The following CTNNA2 variants were observed in gnomAD, a reference collection of about 807,000 sequenced individuals.
The protein encoded by CTNNA2 is catenin alpha 2.
CTNNA2 carries 42 observed loss-of-function variants against 101.0 expected under a neutral mutation model. That is an observed-to-expected ratio of 0.42 (90% CI 0.32 to 0.54). CTNNA2 has a LOEUF of 0.54. Among genes scored for constraint, CTNNA2 ranks in the 20% least tolerant of loss-of-function variants. CTNNA2 has a pLI of 0.14. For missense variants in CTNNA2, 871 were observed against 1,223.1 expected, an observed-to-expected ratio of 0.71 and a Z score of 4.29; for synonymous variants, 450 against 456.4, an observed-to-expected ratio of 0.99 and a Z score of 0.18.
intron 2 of CTNNA2, among the ~76,000 whole-genome samples, chr2:79,311,341 G>A (rs902112574): frequency 2.7e-5 from 4 of 149,362 alleles, no homozygotes; most frequent in African/African-American, 9.9e-5. Context: ...CCCGGGAAGC[G>A]GAGCTTGCAG....
intron 1 of CTNNA2, among the ~76,000 whole-genome samples, chr2:79,641,531 G>T (rs1458948546): frequency 1.3e-5 from 2 of 152,142 alleles, no homozygotes; most frequent in Non-Finnish European, 2.9e-5. Context: ...TTGCGGTGTT[G>T]CTGAAGGATA....
intron 6 of CTNNA2, among the ~76,000 whole-genome samples, chr2:79,886,473 C>T (rs1444573971): frequency 6.6e-6 from 1 of 151,820 alleles, no homozygotes; most frequent in Non-Finnish European, 1.5e-5. Context: ...AAATGGCAGC[C>T]AGGCGCGGTG....
intron 7 of CTNNA2, among the ~76,000 whole-genome samples, chr2:80,154,993 GAAAA>G (rs1387985389): frequency 1.3e-5 from 2 of 149,086 alleles, no homozygotes; most frequent in African/African-American, 4.9e-5. Context: ...ACACTTCATG[GAAAA>G]TGACCACATT....
At chr2:79,379,046 C>G (rs1350926220) in intron 4 of CTNNA2, among the ~76,000 whole-genome samples, 2 of 152,222 alleles carry the variant, frequency 1.3e-5, no homozygotes, top group East Asian at 3.9e-4. Context: ...GCATTCCTTT[C>G]TTTGTTTTTA....
At chr2:80,205,062 C>G (rs1298202645) in intron 7 of CTNNA2, among the ~76,000 whole-genome samples, 1 of 152,156 alleles carries the variant, frequency 6.6e-6, no homozygotes, top group Non-Finnish European at 1.5e-5. Context: ...CCCACCAGGT[C>G]CCTCCCATAA....
At chr2:80,218,110 G>A (rs368567754) in intron 7 of CTNNA2, among the ~76,000 whole-genome samples, 1 of 152,200 alleles carries the variant, frequency 6.6e-6, no homozygotes, top group Non-Finnish European at 1.5e-5. Flanking sequence ...GAGCTGAAAG[G>A]GTGGAGCAGT....
intron 7 of CTNNA2, among the ~76,000 whole-genome samples, chr2:80,041,450 G>T (rs1172076022): frequency 1.3e-5 from 2 of 152,030 alleles, no homozygotes; most frequent in African/African-American, 2.4e-5. Context: ...GGGATGGGGG[G>T]TACAGAGGTT....
Position 80,340,571 on chromosome 2 carries a change from G to A in CTNNA2, c.1057-52640G>A, listed in dbSNP as rs1672135366. ...ACAACAAGGCTAGTTGAATGTACCAGGTGACATACAGCCCTTTAGCCATAC... is the reference window on the plus strand; with the variant it reads ...ACAACAAGGCTAGTTGAATGTACCAAGTGACATACAGCCCTTTAGCCATAC... On this transcript the variant is annotated intron_variant, in intron 7 of 18. Coordinates refer to ENST00000402739, the MANE Select transcript of CTNNA2 (RefSeq NM_001282597.3). Among the ~76,000 whole-genome samples the A allele has an allele frequency of 2.0e-5, 3 of 152,098 alleles. No individual in the cohort carries two copies. The South Asian group carries it at 6.2e-4, about 32-fold the overall frequency.
chr2:79,378,382 T>C (rs560662693), intron 4 of CTNNA2, among the ~76,000 whole-genome samples: 2 of 152,276 alleles, frequency 1.3e-5, no homozygotes, highest in African/African-American at 4.8e-5. Context: ...TAAATAAATA[T>C]ACATGTATTG....
intron 2 of CTNNA2, among the ~76,000 whole-genome samples, chr2:79,705,631 G>A (rs1685306656): frequency 6.6e-6 from 1 of 152,154 alleles, no homozygotes; most frequent in Admixed American, 6.5e-5. Flanking sequence ...TTTATTTTAT[G>A]CTGGAGTCCA....
intron 3 of CTNNA2, among the ~76,000 whole-genome samples, chr2:79,790,005 T>C (rs1019753418): frequency 2.6e-5 from 4 of 151,926 alleles, no homozygotes; most frequent in African/African-American, 7.3e-5. Flanking sequence ...ACAGATCATA[T>C]GAATAAAGAA....
intron 4 of CTNNA2, among the ~76,000 whole-genome samples, chr2:79,422,883 C>T (rs557912289): frequency 2.0e-5 from 3 of 152,272 alleles, no homozygotes; most frequent in East Asian, 3.9e-4. Flanking sequence ...GCCAGATCAT[C>T]ATTAATTTTT....
rs1388175034 is a variant in CTNNA2, at chr2:79,361,697, C to A, written c.-317-12134C>A. 1.2e-4 allele frequency among the ~76,000 whole-genome samples: 19 copies of A among 152,080 alleles called. 1 individual carries two copies. Among genetic ancestry groups the A allele is most frequent in the Admixed American group, 1.2e-3 (18 of 15,256 alleles). On this transcript the variant is annotated intron_variant, in intron 3 of 21. Coordinates refer to the CTNNA2 transcript ENST00000466387. ...CACAATCACAAGGTCCCACAATAGG[C>A]CATTTGCAAGTTGAGGAGCAAGGGG...
intron 7 of CTNNA2, among the ~76,000 whole-genome samples, chr2:79,999,193 C>T (rs1189561870): frequency 1.3e-5 from 2 of 152,200 alleles, no homozygotes; most frequent in East Asian, 1.9e-4. Flanking sequence ...CCCCATAAAC[C>T]TCCCTTGGAA....
intron 2 of CTNNA2, among the ~76,000 whole-genome samples, chr2:79,678,696 A>C (rs182517145): frequency 1.4e-3 from 210 of 152,258 alleles, no homozygotes; most frequent in African/African-American, 4.9e-3. Flanking sequence ...GGCCTATATT[A>C]AGGGGTCATT....
chr2:80,558,841 A>AT (rs56771184), intron 12 of CTNNA2, among the ~76,000 whole-genome samples: 107 of 152,088 alleles, frequency 7.0e-4, no homozygotes, highest in East Asian at 2.5e-3. Flanking sequence ...CTGCCCATTG[A>AT]TTTTTTTGTT....
intron 7 of CTNNA2, among the ~76,000 whole-genome samples, chr2:80,096,838 T>C (rs1700186748): frequency 6.6e-6 from 1 of 152,214 alleles, no homozygotes; most frequent in Non-Finnish European, 1.5e-5. Flanking sequence ...CCCCTGCCTT[T>C]TTTTCTTTTC....
At chr2:80,212,147 A>G (rs1033601377) in intron 7 of CTNNA2, among the ~76,000 whole-genome samples, 1 of 152,182 alleles carries the variant, frequency 6.6e-6, no homozygotes, top group Non-Finnish European at 1.5e-5. Context: ...TAGATATACA[A>G]TCATGTCATC....
chr2:79,285,352 T>C (rs1043312872), intron 2 of CTNNA2, among the ~76,000 whole-genome samples: 11 of 150,364 alleles, frequency 7.3e-5, no homozygotes, highest in African/African-American at 2.2e-4. Flanking sequence ...TGTTAGGGTG[T>C]CAATTTTGGA....
Sources: allele counts gnomAD v4.1 joint callset (sites outside exome capture counted in the v4.1 genomes callset), GRCh38; gene constraint gnomAD v4.1.1; transcripts MANE v1.5; gene names NCBI Gene and HGNC (gene_info 2026-07-23, HGNC 2026-07-21).